Variants in LIMCH1 observed in about 807,000 individuals in gnomAD.
LIMCH1 encodes the protein LIM and calponin homology domains 1, also known as LIM and calponin homology domains-containing protein 1.
Under a neutral mutation model 176.5 loss-of-function variants are expected in LIMCH1, and 113 were observed. The ratio of observed to expected loss-of-function variants is 0.64; its 90% confidence interval spans 0.55 to 0.75. LIMCH1 has a LOEUF of 0.75. LIMCH1 is among the 30% of genes least tolerant of loss of function. The pLI is 0.00. For synonymous variants in LIMCH1, 619 were observed against 645.9 expected (o/e 0.96, Z 0.63); for missense variants, 1,674 against 1,814.9 (o/e 0.92, Z 1.41).
At chr4:41,488,126 G>A (rs1342501791) in intron 1 of LIMCH1, among the ~76,000 whole-genome samples, 1 of 152,126 alleles carries the variant, frequency 6.6e-6, no homozygotes, top group Non-Finnish European at 1.5e-5. Context: ...TGAAATAAAT[G>A]TAGCTAAACT....
At chr4:41,573,130 CA>C (rs1486120262) in intron 1 of LIMCH1, among the ~76,000 whole-genome samples, 2 of 152,132 alleles carry the variant, frequency 1.3e-5, no homozygotes, top group African/African-American at 4.8e-5. Flanking sequence ...TTCTATGCAC[CA>C]GTGGTGATGC....
At position 41,680,031 on chromosome 4, in the gene LIMCH1, A is replaced by G. The variant is rs1262879464; in HGVS notation, c.3545A>G (p.Lys1182Arg). 5.6e-6 allele frequency: 9 copies of G among 1,610,578 alleles called. No individual in the cohort carries two copies. The highest frequency in any genetic ancestry group is 7.6e-6 in the Non-Finnish European group (9 of 1,178,442). The change falls in exon 24 of 32, where the codon AAG becomes AGG. Residue 1182 changes from lysine (K) to arginine (R), a missense_variant. Around this residue, in one of 3 missense-constraint regions of LIMCH1, gnomAD observed 1,015 missense variants for 1,102.5 expected, o/e 0.92. Transcript: ENST00000503057. ...GAGAGATACCAGAAGGAGCAGGACA[A>G]GCTGAAAGAAGAGTGGGAAAAGGCC... ...LQERYQKEQD[K>R]LKEEWEKAQK... is the part of the protein sequence containing the mutation.
intron 1 of LIMCH1, among the ~76,000 whole-genome samples, chr4:41,443,934 G>A (rs577284963): frequency 2.6e-5 from 4 of 152,250 alleles, no homozygotes; most frequent in East Asian, 1.9e-4. Flanking sequence ...CTTAAAACTC[G>A]TAGACTCAAG....
Position 41,491,813 on chromosome 4 carries a change from C to CCAGG in LIMCH1, c.97-2719_97-2716dup, listed in dbSNP as rs577674960. On this transcript the variant is annotated intron_variant, in intron 1 of 26. Coordinates refer to the LIMCH1 transcript ENST00000313860. The stretch of plus-strand genomic sequence containing the variant: ...CCTCACTTCCTCCCAGACGGGGCGG[C>CCAGG]CAGGCAGAAGCGCTCCTCACTTCCC... Among the ~76,000 whole-genome samples the CCAGG allele has an allele frequency of 5.2e-3, 766 of 148,702 alleles. 5 individuals carry two copies. Among genetic ancestry groups the CCAGG allele is most frequent in the Non-Finnish European group, 8.2e-3 (553 of 67,214 alleles).
At chr4:41,419,665 CT>C (rs1428877610) in intron 1 of LIMCH1, among the ~76,000 whole-genome samples, 856 of 78,126 alleles carry the variant, frequency 0.011, 32 homozygotes, top group East Asian at 0.044. Context: ...TCCTTCCTTC[CT>C]TCCTTCCTTC....
chr4:41,491,103 C>T (rs113527818), intron 1 of LIMCH1, among the ~76,000 whole-genome samples: 7,237 of 144,358 alleles, frequency 0.05, 225 homozygotes, highest in East Asian at 0.11. Context: ...CGGACAGAGG[C>T]GCTCCTCACC....
At chr4:41,539,784 C>T (rs966895714) in intron 1 of LIMCH1, among the ~76,000 whole-genome samples, 1 of 152,156 alleles carries the variant, frequency 6.6e-6, no homozygotes, top group Non-Finnish European at 1.5e-5. Context: ...AGAACTCACT[C>T]TTGAGTTTCC....
At chr4:41,515,320 C>T (rs193019213) in intron 2 of LIMCH1, among the ~76,000 whole-genome samples, 111 of 152,344 alleles carry the variant, frequency 7.3e-4, no homozygotes, top group African/African-American at 2.5e-3. Flanking sequence ...TATTGCCTTC[C>T]GCCTGTCCAG....
At position 41,662,944 on chromosome 4, in the gene LIMCH1, A is replaced by G. The variant is rs1402736659; in HGVS notation, c.3251A>G (p.Asn1084Ser). Residue 1084 changes from asparagine (N) to serine (S), a missense_variant, in exon 20 of 32, where the codon AAT becomes AGT. This residue lies in a region of LIMCH1 where 1,015 missense variants were observed against 1,102.5 expected (regional missense o/e 0.92). Coordinates refer to ENST00000503057, the MANE Select transcript of LIMCH1 (RefSeq NM_001330672.2). ...GAAAAAGACCAGAAGAAACCAGAAA[A>G]TGAAATGAGTGGAAAGGTGGAGTTG... ...SEEKDQKKPE[N>S]EMSGKVELVL... is the part of the protein sequence containing the mutation. 1.2e-6 allele frequency: 2 copies of G among 1,614,040 alleles called. No homozygotes were observed. Among genetic ancestry groups the G allele is most frequent in the South Asian group, 2.2e-5 (2 of 91,080 alleles).
intron 1 of LIMCH1, among the ~76,000 whole-genome samples, chr4:41,377,792 T>A (rs1561175701): frequency 6.6e-6 from 1 of 152,218 alleles, no homozygotes; most frequent in Non-Finnish European, 1.5e-5. Flanking sequence ...AAGGGCTCAC[T>A]AGAGACGGCC....
intron 1 of LIMCH1, among the ~76,000 whole-genome samples, chr4:41,552,565 T>C (rs2080611528): frequency 6.6e-6 from 1 of 152,176 alleles, no homozygotes; most frequent in South Asian, 2.1e-4. Context: ...CTTGTTCTCC[T>C]AGGCTGCTGC....
intron 2 of LIMCH1, among the ~76,000 whole-genome samples, chr4:41,520,886 C>G (rs1480571291): frequency 6.6e-6 from 1 of 152,112 alleles, no homozygotes; most frequent in Admixed American, 6.5e-5. Context: ...AGCAGACTAC[C>G]TGTTAAGGCC....
chr4:41,483,084 A>G (rs970245033), intron 1 of LIMCH1, among the ~76,000 whole-genome samples: 1 of 151,936 alleles, frequency 6.6e-6, no homozygotes, highest in Non-Finnish European at 1.5e-5. Flanking sequence ...GGGAAAGAGG[A>G]AACTGCCATG....
chr4:41,454,283 A>G (rs2064259619), intron 1 of LIMCH1, among the ~76,000 whole-genome samples: 1 of 152,222 alleles, frequency 6.6e-6, no homozygotes, highest in Non-Finnish European at 1.5e-5. Flanking sequence ...TTAAACAGCC[A>G]AGTGATTCTC....
Position 41,585,396 on chromosome 4 carries a change from C to T in LIMCH1, c.-240-13524C>T, listed in dbSNP as rs117588665. Among the ~76,000 whole-genome samples the T allele has an allele frequency of 1.1e-3, 162 of 152,234 alleles. 2 individuals carry two copies. The East Asian group carries it at 0.027, about 25-fold the overall frequency. ...ATGTCAGAAAGTCATCTCTTTATAA[C>T]GCTAAATACTATTCCATTGTATGTA... On this transcript the variant is annotated intron_variant, in intron 1 of 31. Transcript: ENST00000503057.
intron 2 of LIMCH1, among the ~76,000 whole-genome samples, chr4:41,505,925 GACACACACACACACACACACAC>G (rs36212568): frequency 7.4e-6 from 1 of 134,658 alleles, no homozygotes; most frequent in African/African-American, 2.9e-5. Context: ...CTGTGTTTCT[GACACACACACACACACACACAC>G]ACACACACAC....
intron 1 of LIMCH1, among the ~76,000 whole-genome samples, chr4:41,487,222 A>G (rs115538564): frequency 6.0e-4 from 91 of 152,206 alleles, no homozygotes; most frequent in African/African-American, 2.2e-3. Flanking sequence ...CTAAGGGCCA[A>G]ATTTTCAGTG....
chr4:41,542,140 C>T (rs566863175), intron 1 of LIMCH1, among the ~76,000 whole-genome samples: 1 of 152,064 alleles, frequency 6.6e-6, no homozygotes, highest in Non-Finnish European at 1.5e-5. Flanking sequence ...TCACACTAGC[C>T]CTCAATCTGT....
intron 1 of LIMCH1, among the ~76,000 whole-genome samples, chr4:41,396,896 T>C (rs549129161): frequency 1.9e-4 from 28 of 149,614 alleles, no homozygotes; most frequent in African/African-American, 6.5e-4. Context: ...CAAGACTGTC[T>C]CAAAAAAAAA....
Sources: allele counts gnomAD v4.1 joint callset (sites outside exome capture counted in the v4.1 genomes callset), GRCh38; gene constraint gnomAD v4.1.1; regional missense constraint gnomAD v4.1.1; transcripts MANE v1.5; gene names NCBI Gene and HGNC (gene_info 2026-07-23, HGNC 2026-07-21).